Variants in MACROD2 observed in about 807,000 individuals in gnomAD.
The protein encoded by MACROD2 is mono-ADP ribosylhydrolase 2, also known as ADP-ribose glycohydrolase MACROD2.
In MACROD2, 36 loss-of-function variants were observed where a neutral mutation model predicts 70.4. The observed-to-expected ratio is 0.51, with a 90% CI of 0.39 to 0.68. MACROD2 has a LOEUF of 0.68. MACROD2 is among the 30% of genes least tolerant of loss of function. The pLI, the probability that MACROD2 is intolerant of heterozygous loss-of-function variation, is 0.00. For missense variants in MACROD2, 496 were observed against 538.4 expected, an observed-to-expected ratio of 0.92 and a Z score of 0.78; for synonymous variants, 172 against 178.8, an observed-to-expected ratio of 0.96 and a Z score of 0.30.
intron 5 of MACROD2, among the ~76,000 whole-genome samples, chr20:14,863,522 T>A (rs2073395204): frequency 1.3e-5 from 2 of 152,054 alleles, no homozygotes; most frequent in Non-Finnish European, 2.9e-5. Context: ...TGTAACAATA[T>A]CAAAGCATAT....
At chr20:14,960,882 A>G (rs899800448) in intron 5 of MACROD2, among the ~76,000 whole-genome samples, 1 of 152,184 alleles carries the variant, frequency 6.6e-6, no homozygotes, top group Non-Finnish European at 1.5e-5. Context: ...GGCTTTGGCA[A>G]GGGTGAACAG....
chr20:16,035,760 G>A (rs925665737), intron 15 of MACROD2, among the ~76,000 whole-genome samples: 35 of 104,762 alleles, frequency 3.3e-4, no homozygotes, highest in African/African-American at 1.1e-3. Context: ...ACTGCAACTA[G>A]TCTGGGCCAG....
chr20:14,027,668 C>A (rs1361933265), intron 2 of MACROD2, among the ~76,000 whole-genome samples: 1 of 152,136 alleles, frequency 6.6e-6, no homozygotes, highest in Non-Finnish European at 1.5e-5. Flanking sequence ...CAGTCAGGCC[C>A]CACTGCTGCA....
intron 8 of MACROD2, among the ~76,000 whole-genome samples, chr20:15,691,911 T>G (rs1342070793): frequency 6.6e-6 from 1 of 152,228 alleles, no homozygotes; most frequent in Non-Finnish European, 1.5e-5. Context: ...TAATTTCTCA[T>G]GTCAACCTGC....
intron 5 of MACROD2, among the ~76,000 whole-genome samples, chr20:14,744,468 C>T (rs1010883559): frequency 3.9e-5 from 6 of 152,006 alleles, no homozygotes; most frequent in African/African-American, 1.2e-4. Flanking sequence ...GGCAAGAACA[C>T]TTTACATACA....
At chr20:14,941,871 C>T (rs1366255296) in intron 5 of MACROD2, among the ~76,000 whole-genome samples, 1 of 151,680 alleles carries the variant, frequency 6.6e-6, no homozygotes, top group Non-Finnish European at 1.5e-5. Context: ...GCAGCCTCGA[C>T]TGCCTGGGTT....
At chr20:14,032,448 C>T (rs920490918) in intron 2 of MACROD2, among the ~76,000 whole-genome samples, 1 of 152,112 alleles carries the variant, frequency 6.6e-6, no homozygotes, top group African/African-American at 2.4e-5. Context: ...TTTCTCATAA[C>T]TTTGCCAACA....
intron 5 of MACROD2, among the ~76,000 whole-genome samples, chr20:15,188,023 C>A (rs2076545024): frequency 6.6e-6 from 1 of 152,134 alleles, no homozygotes; most frequent in Admixed American, 6.6e-5. Flanking sequence ...CTTTCAGAAA[C>A]ACAATCGTAG....
intron 8 of MACROD2, among the ~76,000 whole-genome samples, chr20:15,718,425 A>G (rs1487410348): frequency 6.6e-6 from 1 of 152,190 alleles, no homozygotes; most frequent in Non-Finnish European, 1.5e-5. Context: ...TTAAGTGACA[A>G]TTGCATTTTT....
intron 5 of MACROD2, among the ~76,000 whole-genome samples, chr20:14,774,697 A>G (rs1434987981): frequency 1.3e-5 from 2 of 152,098 alleles, no homozygotes; most frequent in Non-Finnish European, 2.9e-5. Flanking sequence ...TATTAACCTC[A>G]AAGTGTCAAA....
At chr20:15,440,926 TGTCAA>T (rs1291477989) in intron 7 of MACROD2, among the ~76,000 whole-genome samples, 1 of 152,232 alleles carries the variant, frequency 6.6e-6, no homozygotes, top group Admixed American at 6.5e-5. Flanking sequence ...TTTTTTATCT[TGTCAA>T]ATTATTCCCA....
intron 7 of MACROD2, among the ~76,000 whole-genome samples, chr20:15,480,387 T>G (rs1194049065): frequency 6.6e-6 from 1 of 152,224 alleles, no homozygotes; most frequent in Non-Finnish European, 1.5e-5. Flanking sequence ...TGACAGAACC[T>G]GGGATTCTGT....
intron 4 of MACROD2, among the ~76,000 whole-genome samples, chr20:14,645,991 C>G (rs945059116): frequency 1.4e-5 from 2 of 145,030 alleles, no homozygotes; most frequent in Non-Finnish European, 3.1e-5. Context: ...TTTATATTTT[C>G]TACTAAGTAA....
intron 8 of MACROD2, among the ~76,000 whole-genome samples, chr20:15,763,491 G>A (rs2051471859): frequency 6.6e-6 from 1 of 152,124 alleles, no homozygotes; most frequent in Admixed American, 6.5e-5. Flanking sequence ...GCATTTGAAG[G>A]TGTTCTCAGA....
chr20:14,980,633 G>A (rs1368530053), intron 5 of MACROD2, among the ~76,000 whole-genome samples: 1 of 152,172 alleles, frequency 6.6e-6, no homozygotes, highest in African/African-American at 2.4e-5. Context: ...ATTAAGGCCA[G>A]CATTTAAGCT....
At chr20:14,882,749 G>A (rs1357707732) in intron 5 of MACROD2, among the ~76,000 whole-genome samples, 1 of 151,690 alleles carries the variant, frequency 6.6e-6, no homozygotes, top group African/African-American at 2.4e-5. Flanking sequence ...AAGATTTCAG[G>A]TCACCAAAGG....
intron 3 of MACROD2, among the ~76,000 whole-genome samples, chr20:14,208,641 A>C (rs928607498): frequency 2.0e-4 from 30 of 152,206 alleles, no homozygotes; most frequent in African/African-American, 7.0e-4. Flanking sequence ...CTGTTTTAAC[A>C]AAAGTAGTTG....
intron 8 of MACROD2, among the ~76,000 whole-genome samples, chr20:15,705,033 C>T (rs1452448147): frequency 1.3e-5 from 2 of 152,176 alleles, no homozygotes; most frequent in African/African-American, 4.8e-5. Flanking sequence ...TGCTAATTCT[C>T]ACGGTCATTT....
intron 5 of MACROD2, among the ~76,000 whole-genome samples, chr20:14,956,027 T>C (rs1249821462): frequency 6.7e-6 from 1 of 148,660 alleles, no homozygotes; most frequent in Non-Finnish European, 1.5e-5. Flanking sequence ...TTAGCTGTTT[T>C]TTTTTTTTGT....
Sources: allele counts gnomAD v4.1 joint callset (sites outside exome capture counted in the v4.1 genomes callset), GRCh38; gene constraint gnomAD v4.1.1; transcripts MANE v1.5; gene names NCBI Gene and HGNC (gene_info 2026-07-23, HGNC 2026-07-21).